Variants in LRMDA observed in about 807,000 individuals in gnomAD.
LRMDA encodes leucine rich melanocyte differentiation associated.
A neutral mutation model predicts 29.8 loss-of-function variants in LRMDA; 18 were observed. The observed-to-expected ratio is 0.60, with a 90% CI of 0.42 to 0.90. LRMDA has a LOEUF of 0.90. Among genes scored for constraint, LRMDA ranks in the 40% least tolerant of loss-of-function variants. The pLI is 0.00. For synonymous variants in LRMDA, 125 were observed against 109.4 expected, an observed-to-expected ratio of 1.14 and a Z score of -0.89; for missense variants, 273 against 273.9, an observed-to-expected ratio of 1.00 and a Z score of 0.02.
At chr10:76,073,777 C>T (rs1180367598) in intron 5 of LRMDA, among the ~76,000 whole-genome samples, 6 of 152,192 alleles carry the variant, frequency 3.9e-5, no homozygotes. Flanking sequence ...CTTAACATTT[C>T]CAAGACCTTC....
chr10:75,809,528 A>C (rs1157061283), intron 2 of LRMDA, among the ~76,000 whole-genome samples: 1 of 152,186 alleles, frequency 6.6e-6, no homozygotes, highest in South Asian at 2.1e-4. Flanking sequence ...CTGTAATCCC[A>C]GCTACTCGGG....
intron 6 of LRMDA, among the ~76,000 whole-genome samples, chr10:76,491,081 C>T (rs910496922): frequency 6.6e-6 from 1 of 151,706 alleles, no homozygotes; most frequent in Non-Finnish European, 1.5e-5. Context: ...ACTTTTTCCT[C>T]CTGCTTTTTA....
chr10:75,470,588 A>T (rs1042019151), intron 2 of LRMDA, among the ~76,000 whole-genome samples: 3 of 152,184 alleles, frequency 2.0e-5, no homozygotes, highest in African/African-American at 7.2e-5. Context: ...TCCTTCTGAG[A>T]TGTGGGCTGG....
intron 5 of LRMDA, among the ~76,000 whole-genome samples, chr10:76,134,788 A>G (rs1403032265): frequency 6.6e-6 from 1 of 152,208 alleles, no homozygotes; most frequent in Non-Finnish European, 1.5e-5. Context: ...TTTCCCTCCA[A>G]TAAAATTTGA....
chr10:75,573,525 A>AT lies in LRMDA; in HGVS notation c.131+135031_131+135032insT, dbSNP rs1367155930. ...GCTCTGGATCATTTTTTTCAGTTTTAGCCTATGATTCACAAATTCTCCTTT... is the reference window on the plus strand; with the variant it reads ...GCTCTGGATCATTTTTTTCAGTTTTATGCCTATGATTCACAAATTCTCCTTT... On this transcript the variant is annotated intron_variant, in intron 2 of 6. Transcript: ENST00000611255. Among the ~76,000 whole-genome samples the AT allele has an allele frequency of 2.0e-5, 3 of 151,924 alleles. No individual in the cohort carries two copies. In the East Asian group the frequency reaches 5.8e-4, roughly 29 times the overall value.
intron 2 of LRMDA, among the ~76,000 whole-genome samples, chr10:75,496,614 T>C (rs1845046855): frequency 6.6e-6 from 1 of 152,188 alleles, no homozygotes; most frequent in South Asian, 2.1e-4. Context: ...AGCAGCCCCC[T>C]TTTCCCTTTA....
intron 1 of LRMDA, among the ~76,000 whole-genome samples, chr10:75,436,144 A>G (rs1844261875): frequency 6.6e-6 from 1 of 151,676 alleles, no homozygotes; most frequent in Non-Finnish European, 1.5e-5. Flanking sequence ...GGAAGTCCTT[A>G]TTTATGGCAT....
At chr10:76,153,611 G>A (rs577963137) in intron 5 of LRMDA, among the ~76,000 whole-genome samples, 66 of 152,228 alleles carry the variant, frequency 4.3e-4, no homozygotes, top group African/African-American at 1.5e-3. Context: ...GATTTTAAAA[G>A]GAATGTATGC....
At chr10:75,826,432 AC>A (rs139195280) in intron 2 of LRMDA, among the ~76,000 whole-genome samples, 2,011 of 152,140 alleles carry the variant, frequency 0.013, 51 homozygotes, top group African/African-American at 0.046. Context: ...ATGAAAAATG[AC>A]TTTTGATGTT....
chr10:76,067,663 G>A (rs1426632569), intron 5 of LRMDA, among the ~76,000 whole-genome samples: 1 of 152,100 alleles, frequency 6.6e-6, no homozygotes, highest in Non-Finnish European at 1.5e-5. Context: ...CCATCCTCCA[G>A]CCCACCCCTC....
At chr10:76,485,251 A>T (rs1352249915) in intron 6 of LRMDA, among the ~76,000 whole-genome samples, 1 of 151,746 alleles carries the variant, frequency 6.6e-6, no homozygotes, top group Admixed American at 6.6e-5. Context: ...TTGACTGAGC[A>T]TTTTATATGA....
At chr10:76,172,125 A>T (rs1027128666) in intron 5 of LRMDA, among the ~76,000 whole-genome samples, 1 of 152,068 alleles carries the variant, frequency 6.6e-6, no homozygotes, top group African/African-American at 2.4e-5. Flanking sequence ...GTGAGAACTC[A>T]CTCACCACTG....
intron 2 of LRMDA, among the ~76,000 whole-genome samples, chr10:75,838,506 C>T (rs2132298333): frequency 6.6e-6 from 1 of 152,266 alleles, no homozygotes; most frequent in South Asian, 2.1e-4. Flanking sequence ...TGGATTCTAG[C>T]TGGCATGCCA....
chr10:75,627,519 G>A (rs554693245), intron 2 of LRMDA, among the ~76,000 whole-genome samples: 2 of 152,328 alleles, frequency 1.3e-5, no homozygotes, highest in South Asian at 4.1e-4. Context: ...TTGGGCCACA[G>A]ATGGGATTGA....
intron 2 of LRMDA, among the ~76,000 whole-genome samples, chr10:75,893,613 C>A (rs1267172456): frequency 6.6e-6 from 1 of 152,148 alleles, no homozygotes; most frequent in Non-Finnish European, 1.5e-5. Context: ...CTGTGCCCAG[C>A]CCCAGACTCA....
intron 2 of LRMDA, among the ~76,000 whole-genome samples, chr10:75,660,724 TG>T (rs1196117102): frequency 1.1e-4 from 17 of 151,620 alleles, no homozygotes; most frequent in Non-Finnish European, 2.5e-4. Context: ...TTTAAGGTTG[TG>T]GAGATAATGA....
rs148597676 is a variant in LRMDA at position 76,494,026 on chromosome 10, G to T, written c.602-63183G>T. Among the ~76,000 whole-genome samples, 65 of 151,904 alleles carry T rather than the reference G, an allele frequency of 4.3e-4. No individual in the cohort carries two copies. The East Asian group carries it at 5.1e-3, about 12-fold the overall frequency. ...TTTTTATGTGTTGATCTTGTATTAT[G>T]TTACTTACATAAACTCATTTTATAG... On this transcript the variant is annotated intron_variant, in intron 6 of 6. Coordinates refer to ENST00000611255, the MANE Select transcript of LRMDA (RefSeq NM_001305581.2).
chr10:76,330,995 G>A (rs1432190082), intron 6 of LRMDA, among the ~76,000 whole-genome samples: 1 of 152,196 alleles, frequency 6.6e-6, no homozygotes, highest in African/African-American at 2.4e-5. Context: ...ATGAGGCCAG[G>A]TGCCGTGGCT....
At chr10:76,468,945 A>T (rs1842591354) in intron 6 of LRMDA, among the ~76,000 whole-genome samples, 1 of 152,176 alleles carries the variant, frequency 6.6e-6, no homozygotes, top group African/African-American at 2.4e-5. Context: ...TAGAAAGGCA[A>T]AGTGCGAGGA....
Sources: gnomAD v4.1 joint callset for allele counts (sites outside exome capture counted in the v4.1 genomes callset) on GRCh38, gnomAD v4.1.1 for gene constraint, MANE v1.5 for transcripts, NCBI Gene and HGNC (gene_info 2026-07-23, HGNC 2026-07-21) for gene names.